VPS37D: variants seen among roughly 807,000 people sequenced by gnomAD.
VPS37D encodes VPS37D subunit of ESCRT-I.
A neutral mutation model predicts 22.0 loss-of-function variants in VPS37D; 5 were observed. The observed-to-expected ratio is 0.23, with a 90% CI of 0.12 to 0.48. The LOEUF (loss-of-function observed/expected upper bound fraction) is 0.48, where lower values mean the gene tolerates loss of function less well. VPS37D is among the 20% of genes least tolerant of loss of function. The pLI, the probability that VPS37D is intolerant of heterozygous loss-of-function variation, is 0.99. For missense variants in VPS37D, 384 were observed against 345.8 expected, an observed-to-expected ratio of 1.11 and a Z score of -0.88; for synonymous variants, 174 against 159.3, an observed-to-expected ratio of 1.09 and a Z score of -0.69.
In VPS37D at chr7:73,671,368, C is replaced by CT; in HGVS notation, c.748_749insT (p.His250LeufsTer15). On this transcript the variant is annotated frameshift_variant, in exon 4 of 4. Transcript: ENST00000324941. LOFTEE classifies it high-confidence loss of function. ...TCGGCCCTCGCAGCCAGAGCCCCCCCACCGGTAGGATCCACGGTGCGGCCC... is the reference window on the plus strand; with the variant it reads ...TCGGCCCTCGCAGCCAGAGCCCCCCCTACCGGTAGGATCCACGGTGCGGCCC... The CT allele has an allele frequency of 7.3e-7, 1 of 1,376,088 alleles. No individual in the cohort carries two copies. The highest frequency in any genetic ancestry group is 9.4e-7 in the Non-Finnish European group (1 of 1,067,646). 85.2% of individuals were successfully genotyped at this position (1,376,088 alleles called of 1,614,324 possible). A position where few individuals can be genotyped will look rare whatever the true frequency, so the allele number is the denominator to read the frequency against.
In VPS37D at chr7:73,671,233, CG is replaced by C; in HGVS notation, c.618del (p.Pro207HisfsTer19). 8 of 1,551,178 alleles carry C rather than the reference CG, an allele frequency of 5.2e-6. No homozygotes were observed. The highest frequency in any genetic ancestry group is 1.8e-5 in the Admixed American group (1 of 55,546). The stretch of plus-strand genomic sequence containing the variant: ...AGCTGTCCTGCCCACTGGGGCCGCC[CG>C]GGGGCCACCAGCAGTGCCCCGGAGC... ...AAAVLPTGAA[R>X]GPPAVPRSLP... is the part of the protein sequence containing the mutation. On this transcript the variant is annotated frameshift_variant, in exon 4 of 4. Transcript: ENST00000324941. LOFTEE classifies it high-confidence loss of function.
At chr7:73,670,726 C>T (rs1277205510) in intron 3 of VPS37D, among the ~76,000 whole-genome samples, 1 of 151,780 alleles carries the variant, frequency 6.6e-6, no homozygotes. Context: ...AGGAGAATTG[C>T]TTGAACCCGG....
In VPS37D at chr7:73,669,255, C is replaced by T. The variant is rs544915037; in HGVS notation, c.139-164C>T. Reference sequence around the variant, plus strand: ...AGGGCAGAGCCAGTTCTGGTCCCGGCCTGTCATCGTCCCTTCACCTGTTGG... The same window carrying T: ...AGGGCAGAGCCAGTTCTGGTCCCGGTCTGTCATCGTCCCTTCACCTGTTGG... On this transcript the variant is annotated intron_variant, in intron 1 of 3. Transcript: ENST00000324941. Among the ~76,000 whole-genome samples, 4 of 152,322 alleles carry T rather than the reference C, an allele frequency of 2.6e-5. No individual in the cohort carries two copies. In the East Asian group the frequency reaches 7.7e-4, roughly 29 times the overall value.
chr7:73,668,683 A>C (rs1287963787), intron 1 of VPS37D, among the ~76,000 whole-genome samples: 1 of 150,882 alleles, frequency 6.6e-6, no homozygotes, highest in Admixed American at 6.6e-5. Flanking sequence ...GCAGGCGAGG[A>C]GGGGCTTGTG....
rs1797420298 is a variant in VPS37D, at chr7:73,667,998, G to A, written c.40G>A (p.Gly14Ser). 9.0e-7 allele frequency: 1 copy of A among 1,108,778 alleles called. No homozygotes were observed. Among genetic ancestry groups the A allele is most frequent in the Non-Finnish European group, 1.1e-6 (1 of 905,240 alleles). The allele number at this position is 1,108,778 out of a possible 1,614,324, so 68.7% of individuals were successfully genotyped here. ...ARAARAGPEP[G>S]SPGRFGILST... ...GGCGGCGCGGGCGGGGCCGGAGCCCGGCAGCCCGGGGCGCTTTGGGATCCT... is the reference window on the plus strand; with the variant it reads ...GGCGGCGCGGGCGGGGCCGGAGCCCAGCAGCCCGGGGCGCTTTGGGATCCT... Residue 14 changes from glycine to serine, a missense_variant, in exon 1 of 4, where the codon GGC becomes AGC. Coordinates refer to ENST00000324941, the MANE Select transcript of VPS37D (RefSeq NM_001077621.2).
rs1797526930 is a variant in VPS37D at position 73,671,888 on chromosome 7, GC to G, written c.*513del. The G allele has an allele frequency of 1.3e-5, 2 of 152,334 alleles. No homozygotes were observed. The highest frequency in any genetic ancestry group is 4.1e-4 in the South Asian group (2 of 4,836). 9.4% of individuals were successfully genotyped at this position (152,334 alleles called of 1,614,324 possible). A position where few individuals can be genotyped will look rare whatever the true frequency, so the allele number is the denominator to read the frequency against. ...GGGCCAGGGACACCATGGCCCTGGG[GC>G]TACTACGTGTCCACACATGCTCCAG... is the stretch of plus-strand genomic sequence containing the variant. On this transcript the variant is annotated 3_prime_UTR_variant, in exon 4 of 4. Transcript: ENST00000324941.
chr7:73,669,962 G>A (rs1797469223), intron 2 of VPS37D, 58 bp from the exon 3 acceptor site: 16 of 1,550,816 alleles, frequency 1.0e-5, no homozygotes, highest in African/African-American at 1.4e-5. Flanking sequence ...GGGTCAGCGG[G>A]AGAGTGCAAG....
rs924350956 is a variant in VPS37D at position 73,671,424 on chromosome 7, C to T, written c.*48C>T. On this transcript the variant is annotated 3_prime_UTR_variant, in exon 4 of 4. Transcript: ENST00000324941. ...TTGGGGGGCCTAGACAAACTTGATG[C>T]GTGGCTCCTCCTCCTCCCCCACTGC... The T allele has an allele frequency of 1.5e-5, 18 of 1,183,454 alleles. No individual in the cohort carries two copies. Among genetic ancestry groups the T allele is most frequent in the African/African-American group, 6.5e-5 (4 of 62,004 alleles). The allele number at this position is 1,183,454 out of a possible 1,614,324, so 73.3% of individuals were successfully genotyped here.
chr7:73,669,473 G>A lies in VPS37D; in HGVS notation c.193G>A (p.Ala65Thr). The A allele has an allele frequency of 6.3e-7, 1 of 1,582,340 alleles. No individual in the cohort carries two copies. Among genetic ancestry groups the A allele is most frequent in the Non-Finnish European group, 8.6e-7 (1 of 1,164,838 alleles). ...EACLASNYALAKENLALRPRL... is the reference protein window; with the variant it reads ...EACLASNYALTKENLALRPRL... Reference sequence around the variant, plus strand: ...CTGCCTGGCCTCCAACTACGCGCTGGCCAAGGAGAACCTGGCCCTGCGGCC... The same window carrying A: ...CTGCCTGGCCTCCAACTACGCGCTGACCAAGGAGAACCTGGCCCTGCGGCC... The change falls in exon 2 of 4, where the codon GCC (alanine) becomes ACC (threonine). Residue 65 changes from alanine to threonine, a missense_variant. Transcript: ENST00000324941.
chr7:73,670,227 C>A (rs944762112), intron 3 of VPS37D, 125 bp downstream of exon 3: 2 of 1,444,902 alleles, frequency 1.4e-6, no homozygotes, highest in South Asian at 1.3e-5. Flanking sequence ...GAATGCCTGG[C>A]GCATGCCAGA....
intron 3 of VPS37D, 31 bp from the exon 4 acceptor site, chr7:73,670,983 C>T (rs960473): frequency 1.2e-6 from 2 of 1,605,922 alleles, no homozygotes; most frequent in Admixed American, 3.4e-5. Context: ...GGTCGTGCCT[C>T]TCCCAAGCCT....
upstream of VPS37D, among the ~76,000 whole-genome samples, chr7:73,666,007 C>T (rs1248308570): frequency 6.6e-6 from 1 of 152,142 alleles, no homozygotes; most frequent in Non-Finnish European, 1.5e-5. Context: ...CGAACCACCA[C>T]GGCCGGCTAC....
At chr7:73,666,574 G>A (rs545739880), upstream of VPS37D, among the ~76,000 whole-genome samples, 45 of 151,646 alleles carry the variant, frequency 3.0e-4, no homozygotes, top group Non-Finnish European at 4.6e-4. Context: ...AATTACAGGC[G>A]CCCACCACCA....
upstream of VPS37D, among the ~76,000 whole-genome samples, chr7:73,666,468 G>T (rs1334473306): frequency 6.6e-6 from 1 of 151,358 alleles, no homozygotes; most frequent in Admixed American, 6.6e-5. Flanking sequence ...AGTCTCTGTC[G>T]CCCAGGCTGG....
upstream of VPS37D, chr7:73,667,816 G>T (rs1554608912): frequency 1.0e-5 from 2 of 191,332 alleles, no homozygotes; most frequent in East Asian, 1.8e-4. Flanking sequence ...AGCGGGAGGG[G>T]CGCCCCCTGG....
At position 73,670,114 on chromosome 7, in the gene VPS37D, G is replaced by A. The variant is rs1797473589; in HGVS notation, c.393+12G>A. On this transcript the variant is annotated intron_variant, in intron 3 of 3. Coordinates refer to ENST00000324941, the MANE Select transcript of VPS37D (RefSeq NM_001077621.2). ...AGCAGGAGGCAGAGGTGAGGGGAGG[G>A]GTGGCTGGGGCTGGGGGCCAGGAGG... 6.4e-7 allele frequency: 1 copy of A among 1,550,398 alleles called. No homozygotes were observed. The highest frequency in any genetic ancestry group is 2.0e-5 in the Admixed American group (1 of 50,968).
chr7:73,669,678 T>C, intron 2 of VPS37D, 88 bp downstream of exon 2: 1 of 1,313,940 alleles, frequency 7.6e-7, no homozygotes, highest in Non-Finnish European at 1.0e-6. Context: ...CAGGCTCTGA[T>C]GGATGGGAGT....
intron 1 of VPS37D, among the ~76,000 whole-genome samples, chr7:73,668,736 G>GCACTC (rs1329962057): frequency 1.3e-5 from 2 of 152,082 alleles, no homozygotes; most frequent in Admixed American, 1.3e-4. Flanking sequence ...TTCTCCAGGG[G>GCACTC]CAGGGAGGGG....
chr7:73,669,521 G>T lies in VPS37D; in HGVS notation c.241G>T (p.Ala81Ser), dbSNP rs1554609294. 1 of 1,585,370 alleles carries T rather than the reference G, an allele frequency of 6.3e-7. No homozygotes were observed. Among genetic ancestry groups the T allele is most frequent in the African/African-American group, 1.3e-5 (1 of 74,388 alleles). ...GCCCCGCCTGGAGATGGGCCGGGCTGCCCTGGCCATCAAATACCAGGAGCT... is the reference window on the plus strand; with the variant it reads ...GCCCCGCCTGGAGATGGGCCGGGCTTCCCTGGCCATCAAATACCAGGAGCT... The part of the protein sequence containing the change: ...LRPRLEMGRA[A>S]LAIKYQELRE... Residue 81 changes from alanine to serine, a missense_variant, in exon 2 of 4, where the codon GCC (alanine) becomes TCC (serine). Coordinates refer to ENST00000324941, the MANE Select transcript of VPS37D (RefSeq NM_001077621.2).
Sources: gnomAD v4.1 joint callset for allele counts (sites outside exome capture counted in the v4.1 genomes callset) on GRCh38, gnomAD v4.1.1 for gene constraint, MANE v1.5 for transcripts, NCBI Gene and HGNC (gene_info 2026-07-23, HGNC 2026-07-21) for gene names.